PLCH1: variants seen among roughly 807,000 people sequenced by gnomAD.
The protein encoded by PLCH1 is phospholipase C eta 1.
A neutral mutation model predicts 126.7 loss-of-function variants in PLCH1; 60 were observed. The observed-to-expected ratio is 0.47, with a 90% CI of 0.38 to 0.59. The LOEUF is 0.59. PLCH1 is among the 20% of genes least tolerant of loss of function. The pLI is 0.00. For missense variants in PLCH1, 1,723 were observed against 2,040.0 expected (o/e 0.84, Z 2.99); for synonymous variants, 719 against 734.9 (o/e 0.98, Z 0.35).
At chr3:155,610,918 T>C (rs1208402193) in intron 2 of PLCH1, among the ~76,000 whole-genome samples, 1 of 152,126 alleles carries the variant, frequency 6.6e-6, no homozygotes, top group Non-Finnish European at 1.5e-5. Flanking sequence ...AGATACAGGA[T>C]GGCAGAATGA....
Position 155,537,202 on chromosome 3 carries a change from C to CAAAAAAAAAAAAAAA in PLCH1, c.1362+12570_1362+12584dup, listed in dbSNP as rs535908017. On this transcript the variant is annotated intron_variant, in intron 10 of 22. Coordinates refer to ENST00000460012, the MANE Select transcript of PLCH1 (RefSeq NM_014996.4). Reference sequence around the variant, plus strand: ...CTAGCACTACAAAAAAAAAAAAAACCAAAAAAAAAAAAAAAAAAAAAAAAA... The same window carrying CAAAAAAAAAAAAAAA: ...CTAGCACTACAAAAAAAAAAAAAACCAAAAAAAAAAAAAAAAAAAAAAAAAAAAAAAAAAAAAAAA... 3.1e-3 allele frequency among the ~76,000 whole-genome samples: 32 copies of CAAAAAAAAAAAAAAA among 10,402 alleles called. 3 individuals are homozygous for CAAAAAAAAAAAAAAA. The highest frequency in any genetic ancestry group is 4.9e-3 in the South Asian group (2 of 408). The allele number at this position is 10,402 out of a possible 152,430, so 6.8% of individuals were successfully genotyped here.
intron 14 of PLCH1, among the ~76,000 whole-genome samples, chr3:155,497,682 TAA>T (rs1384301010): frequency 3.3e-5 from 5 of 152,150 alleles, no homozygotes; most frequent in African/African-American, 4.8e-5. Flanking sequence ...CTAAAAATAT[TAA>T]GTGGAAATTT....
intron 7 of PLCH1, among the ~76,000 whole-genome samples, chr3:155,566,186 TATATATACACATAC>T (rs1416220830): frequency 1.8e-5 from 1 of 56,058 alleles, no homozygotes; most frequent in South Asian, 4.1e-4. Flanking sequence ...TATATACACA[TATATATACACATAC>T]ATATATACAC....
intron 11 of PLCH1, 63 bp from the exon 12 acceptor site, chr3:155,514,947 T>G (rs1040750228): frequency 1.2e-5 from 13 of 1,115,938 alleles, no homozygotes; most frequent in Non-Finnish European, 1.6e-5. Context: ...GAATATACCC[T>G]TTGATCAAGC....
chr3:155,572,800 A>G (rs963704495), intron 6 of PLCH1, among the ~76,000 whole-genome samples: 1 of 152,030 alleles, frequency 6.6e-6, no homozygotes, highest in Non-Finnish European at 1.5e-5. Context: ...GTCATGGCGC[A>G]CTGCAGCCTC....
intron 1 of PLCH1, among the ~76,000 whole-genome samples, chr3:155,731,098 G>A (rs1748738388): frequency 1.3e-5 from 2 of 152,162 alleles, no homozygotes; most frequent in Non-Finnish European, 2.9e-5. Flanking sequence ...TACCTCAAAG[G>A]CCACAGACTC....
chr3:155,734,077 G>GT (rs1410015468), intron 1 of PLCH1, among the ~76,000 whole-genome samples: 1 of 151,210 alleles, frequency 6.6e-6, no homozygotes, highest in Non-Finnish European at 1.5e-5. Flanking sequence ...AAGACAAAAA[G>GT]TAAGTGCTGG....
chr3:155,462,334 C>G (rs560155077), intron 21 of PLCH1, among the ~76,000 whole-genome samples: 1 of 152,090 alleles, frequency 6.6e-6, no homozygotes, highest in Non-Finnish European at 1.5e-5. Flanking sequence ...AAACAACTGA[C>G]GGTTGACATC....
At chr3:155,510,129 T>C (rs1223671068) in intron 12 of PLCH1, among the ~76,000 whole-genome samples, 1 of 55,504 alleles carries the variant, frequency 1.8e-5, no homozygotes, top group Non-Finnish European at 3.0e-5. Context: ...TTGTCTCTTT[T>C]GATCTTTGTT....
chr3:155,495,388 C>T (rs943764894), intron 15 of PLCH1, among the ~76,000 whole-genome samples: 1 of 152,120 alleles, frequency 6.6e-6, no homozygotes, highest in Admixed American at 6.5e-5. Context: ...TACAAAGCCC[C>T]CGCTATTTCC....
In PLCH1 at chr3:155,504,644, T is replaced by G. The variant is rs777159434; in HGVS notation, c.1633-18A>C. The G allele has an allele frequency of 6.7e-7, 1 of 1,492,260 alleles. No homozygotes were observed. The highest frequency in any genetic ancestry group is 2.3e-5 in the East Asian group (1 of 44,304). The allele number at this position is 1,492,260 out of a possible 1,614,324, so 92.4% of individuals were successfully genotyped here. A position where few individuals can be genotyped will look rare whatever the true frequency, so the allele number is the denominator to read the frequency against. ...TCTGGACTCTGAATAAATAAAGGCA[T>G]AATATAACTATTTATCTTCTTTGCT... On this transcript the variant is annotated intron_variant, in intron 12 of 22. Transcript: ENST00000460012.
chr3:155,625,541 A>G (rs1225693113), intron 2 of PLCH1, among the ~76,000 whole-genome samples: 2 of 152,230 alleles, frequency 1.3e-5, no homozygotes, highest in East Asian at 3.8e-4. Context: ...CAAGAAAAAA[A>G]CAACCCCATC....
rs1370119297 is a variant in PLCH1 at position 155,474,238 on chromosome 3, C to G, written c.2938+11118G>C. On this transcript the variant is annotated intron_variant, in intron 21 of 21. Transcript: ENST00000494598. ...CTCAAACAAATTTACAAGAAAAAAA[C>G]AAACAACCCCATCAAAAAGTGGGCG... Among the ~76,000 whole-genome samples the G allele has an allele frequency of 3.3e-4, 49 of 148,218 alleles. No individual in the cohort carries two copies. The East Asian group carries it at 9.4e-3, about 28-fold the overall frequency.
chr3:155,584,422 G>A (rs563743261), intron 5 of PLCH1, among the ~76,000 whole-genome samples: 8 of 152,220 alleles, frequency 5.3e-5, no homozygotes, highest in African/African-American at 1.7e-4. Context: ...CTTTCCCTCC[G>A]TAGAAAAGTC....
intron 15 of PLCH1, among the ~76,000 whole-genome samples, chr3:155,494,747 A>C (rs1716780967): frequency 6.6e-6 from 1 of 152,222 alleles, no homozygotes; most frequent in African/African-American, 2.4e-5. Context: ...GTCTTGCTCA[A>C]GTAGCTGTCT....
At chr3:155,587,679 T>C (rs1731562716) in intron 4 of PLCH1, among the ~76,000 whole-genome samples, 1 of 152,228 alleles carries the variant, frequency 6.6e-6, no homozygotes, top group Admixed American at 6.5e-5. Flanking sequence ...TGAGTTTAGA[T>C]ACAAAAGGTT....
At chr3:155,568,129 C>A in intron 7 of PLCH1, 102 bp downstream of exon 7, 1 of 605,166 alleles carries the variant, frequency 1.7e-6, no homozygotes, top group South Asian at 2.2e-5. Context: ...TTAATATAAT[C>A]CCATGGATAT....
intron 8 of PLCH1, among the ~76,000 whole-genome samples, chr3:155,562,389 G>T (rs1396269134): frequency 6.6e-6 from 1 of 151,946 alleles, no homozygotes; most frequent in Non-Finnish European, 1.5e-5. Flanking sequence ...CTTATTTTAT[G>T]GCCCCCTATC....
At chr3:155,559,112 T>A (rs187472648) in intron 8 of PLCH1, among the ~76,000 whole-genome samples, 3 of 152,210 alleles carry the variant, frequency 2.0e-5, no homozygotes, top group African/African-American at 7.2e-5. Context: ...TGTCATTCAA[T>A]GCTTGCTCCT....
Sources: allele counts gnomAD v4.1 joint callset (sites outside exome capture counted in the v4.1 genomes callset), GRCh38; gene constraint gnomAD v4.1.1; transcripts MANE v1.5; gene names NCBI Gene and HGNC (gene_info 2026-07-23, HGNC 2026-07-21).